KCND3: variants seen among roughly 807,000 people sequenced by gnomAD.
KCND3 encodes potassium voltage-gated channel subfamily D member 3.
Under a neutral mutation model 51.1 loss-of-function variants are expected in KCND3, and 9 were observed. The ratio of observed to expected loss-of-function variants is 0.18; its 90% CI spans 0.11 to 0.31. The LOEUF (loss-of-function observed/expected upper bound fraction) is 0.31, where lower values mean the gene tolerates loss of function less well. KCND3 is among the 10% of genes least tolerant of loss of function. KCND3 has a pLI of 1.00. For missense variants in KCND3, 526 were observed against 903.8 expected (o/e 0.58, Z 5.36); for synonymous variants, 349 against 368.0 (o/e 0.95, Z 0.59).
At chr1:111,858,307 CAA>C (rs1668181142) in intron 2 of KCND3, among the ~76,000 whole-genome samples, 1 of 152,176 alleles carries the variant, frequency 6.6e-6, no homozygotes, top group African/African-American at 2.4e-5. Flanking sequence ...TTTGACGCTT[CAA>C]AGTGTCCAGT....
chr1:111,906,954 T>G (rs1334082489), intron 2 of KCND3, among the ~76,000 whole-genome samples: 1 of 152,234 alleles, frequency 6.6e-6, no homozygotes, highest in African/African-American at 2.4e-5. Context: ...TCACTGTCCC[T>G]GCAGATTAAA....
intron 2 of KCND3, among the ~76,000 whole-genome samples, chr1:111,797,863 G>A (rs1009069907): frequency 2.0e-5 from 3 of 148,824 alleles, no homozygotes; most frequent in African/African-American, 7.3e-5. Flanking sequence ...TTAAATGATA[G>A]GAAAAAATAT....
chr1:111,900,684 G>A (rs868487573), intron 2 of KCND3, among the ~76,000 whole-genome samples: 10 of 152,028 alleles, frequency 6.6e-5, no homozygotes, highest in East Asian at 1.9e-4. Context: ...GAGGCCAGGC[G>A]CAGTGGCTCA....
chr1:111,810,482 C>T (rs1298136383), intron 2 of KCND3, among the ~76,000 whole-genome samples: 2 of 152,238 alleles, frequency 1.3e-5, no homozygotes, highest in Admixed American at 1.3e-4. Context: ...CACAGACTGG[C>T]ACCTTCTAAC....
At chr1:111,793,965 G>A (rs1407342419) in intron 2 of KCND3, among the ~76,000 whole-genome samples, 2 of 152,214 alleles carry the variant, frequency 1.3e-5, no homozygotes, top group Non-Finnish European at 2.9e-5. Context: ...AGCCCTTCCT[G>A]GAGGTGACAT....
rs549140075 is a variant in KCND3, at chr1:111,888,548, G to T, written c.1106+93073C>A. On this transcript the variant is annotated intron_variant, in intron 2 of 7. Transcript: ENST00000302127. Reference sequence around the variant, plus strand: ...AACACAAAAATTAGCAGGGCACGGTGGTGGGCGCCTGTAATCCCAGCTACT... The same window carrying T: ...AACACAAAAATTAGCAGGGCACGGTTGTGGGCGCCTGTAATCCCAGCTACT... Among the ~76,000 whole-genome samples, 12 of 152,176 alleles carry T rather than the reference G, an allele frequency of 7.9e-5. No homozygotes were observed. In the East Asian group the frequency reaches 2.1e-3, roughly 27 times the overall value.
intron 2 of KCND3, among the ~76,000 whole-genome samples, chr1:111,832,950 T>C (rs1041558012): frequency 6.6e-6 from 1 of 152,148 alleles, no homozygotes; most frequent in African/African-American, 2.4e-5. Context: ...AGGAGGTAAT[T>C]AAAGTTTCAG....
intron 6 of KCND3, 48 bp downstream of exon 6, chr1:111,778,388 A>G (rs373629884): frequency 2.6e-6 from 4 of 1,547,332 alleles, no homozygotes; most frequent in Non-Finnish European, 2.7e-6. Flanking sequence ...CCACAGACTC[A>G]GAATTATCAG....
chr1:111,960,499 C>G (rs939071646), intron 2 of KCND3, among the ~76,000 whole-genome samples: 24 of 152,226 alleles, frequency 1.6e-4, no homozygotes, highest in African/African-American at 5.8e-4. Flanking sequence ...CCTCCCTTCC[C>G]CACAGCAGTG....
intron 2 of KCND3, among the ~76,000 whole-genome samples, chr1:111,918,529 A>G (rs1378934638): frequency 7.2e-5 from 11 of 152,186 alleles, no homozygotes; most frequent in Non-Finnish European, 1.6e-4. Context: ...CAACAGGCAC[A>G]TAGAGACCCT....
chr1:111,903,511 G>C (rs1201237703), intron 2 of KCND3, among the ~76,000 whole-genome samples: 1 of 152,254 alleles, frequency 6.6e-6, no homozygotes, highest in Non-Finnish European at 1.5e-5. Flanking sequence ...TTTCAGGGGA[G>C]AAGCCATTGA....
In KCND3 at chr1:111,982,988, C is replaced by G. The variant is rs1675053679; in HGVS notation, c.-72-190G>C. Among the ~76,000 whole-genome samples, 1 of 152,158 alleles carries G rather than the reference C, an allele frequency of 6.6e-6. No individual in the cohort carries two copies. The highest frequency in any genetic ancestry group is 1.5e-5 in the Non-Finnish European group (1 of 68,030). ...ATCCAGACACTGGGAGAACACCTAG[C>G]TCCTGGAGCTCGGCAGGGTGGGATC... On this transcript the variant is annotated intron_variant, in intron 1 of 7. Coordinates refer to ENST00000302127, the MANE Select transcript of KCND3 (RefSeq NM_001378969.1). The surrounding 1 kb of genome is among the most constrained non-coding windows in gnomAD (Gnocchi z 8.5).
chr1:111,971,870 G>A (rs922296088), intron 2 of KCND3, among the ~76,000 whole-genome samples: 2 of 152,114 alleles, frequency 1.3e-5, no homozygotes, highest in Non-Finnish European at 2.9e-5. Flanking sequence ...CTCTTCCGGG[G>A]TGTCATTCCA....
At position 111,868,486 on chromosome 1, in the gene KCND3, G is replaced by A. The variant is rs1324882399; in HGVS notation, c.1107-81380C>T. Among the ~76,000 whole-genome samples, 3 of 152,166 alleles carry A rather than the reference G, an allele frequency of 2.0e-5. 1 individual carries two copies. Among genetic ancestry groups the A allele is most frequent in the Non-Finnish European group, 4.4e-5 (3 of 68,036 alleles). Reference sequence around the variant, plus strand: ...TATGCATAGGAAAATCATAGTATATGTAGGGCTCAGTACTACCCGTGGTCT... The same window carrying A: ...TATGCATAGGAAAATCATAGTATATATAGGGCTCAGTACTACCCGTGGTCT... On this transcript the variant is annotated intron_variant, in intron 2 of 7. Transcript: ENST00000302127.
intron 2 of KCND3, among the ~76,000 whole-genome samples, chr1:111,915,797 CA>C (rs1671187144): frequency 1.5e-5 from 2 of 132,922 alleles, no homozygotes; most frequent in Admixed American, 1.5e-4. Context: ...CTATATCAGA[CA>C]AAGTAGCCTT....
At chr1:111,875,090 C>T (rs957530930) in intron 2 of KCND3, among the ~76,000 whole-genome samples, 1 of 152,140 alleles carries the variant, frequency 6.6e-6, no homozygotes, top group Non-Finnish European at 1.5e-5. Context: ...CTCCAGGGAC[C>T]TGGGGCTGGA....
chr1:111,924,870 G>T (rs1179019016), intron 2 of KCND3, among the ~76,000 whole-genome samples: 1 of 152,224 alleles, frequency 6.6e-6, no homozygotes, highest in East Asian at 1.9e-4. Context: ...TCTCCTACCT[G>T]GGAGGGAAGC....
intron 2 of KCND3, among the ~76,000 whole-genome samples, chr1:111,860,449 A>T (rs558005518): frequency 6.6e-6 from 1 of 152,288 alleles, no homozygotes; most frequent in East Asian, 1.9e-4. Context: ...AGGATAGAAG[A>T]CCAACATTGT....
At position 111,773,522 on chromosome 1, in the gene KCND3, A is replaced by T. The variant is rs1664000786; in HGVS notation, c.*2555T>A. On this transcript the variant is annotated 3_prime_UTR_variant, in exon 8 of 8. Coordinates refer to ENST00000302127, the MANE Select transcript of KCND3 (RefSeq NM_001378969.1). The stretch of plus-strand genomic sequence containing the variant: ...CTGCAACCTCTGCCTCCTGGGTTTA[A>T]GCAATCCTCCCCCTCAGCCTTCCAA... 6.7e-6 allele frequency: 1 copy of T among 149,228 alleles called. No individual in the cohort carries two copies. Among genetic ancestry groups the T allele is most frequent in the African/African-American group, 2.5e-5 (1 of 40,112 alleles). The allele number at this position is 149,228 out of a possible 1,614,324, so 9.2% of individuals were successfully genotyped here.
Sources: allele counts gnomAD v4.1 joint callset (sites outside exome capture counted in the v4.1 genomes callset), GRCh38; gene constraint gnomAD v4.1.1; non-coding constraint Gnocchi (gnomAD v3.1); transcripts MANE v1.5; gene names NCBI Gene and HGNC (gene_info 2026-07-23, HGNC 2026-07-21).